STIM2: variants seen among roughly 807,000 people sequenced by gnomAD.
The protein encoded by STIM2 is stromal interaction molecule 2.
In STIM2, 31 loss-of-function variants were observed where a neutral mutation model predicts 85.8. That is an observed-to-expected ratio of 0.36 (90% CI 0.27 to 0.49). STIM2 has a LOEUF of 0.49. STIM2 is among the 20% of genes least tolerant of loss of function. The pLI is 0.98. For missense variants in STIM2, 841 were observed against 927.6 expected (o/e 0.91, Z 1.21); for synonymous variants, 356 against 331.1 (o/e 1.08, Z -0.82).
intron 1 of STIM2, among the ~76,000 whole-genome samples, chr4:26,875,694 A>C (rs1241546225): frequency 1.3e-5 from 2 of 152,202 alleles, no homozygotes; most frequent in Non-Finnish European, 2.9e-5. Flanking sequence ...CAAGCAAGAC[A>C]TGACATATTT....
At chr4:27,005,341 G>A (rs1728296206) in intron 7 of STIM2, among the ~76,000 whole-genome samples, 1 of 152,142 alleles carries the variant, frequency 6.6e-6, no homozygotes, top group Non-Finnish European at 1.5e-5. Flanking sequence ...CCTTTAATCA[G>A]GGCAAGTGAT....
chr4:27,007,912 C>A, intron 8 of STIM2: 1 of 724,900 alleles, frequency 1.4e-6, no homozygotes. Flanking sequence ...TTCAAAGTGA[C>A]CTTAGTGATT....
intron 3 of STIM2, among the ~76,000 whole-genome samples, chr4:26,989,543 A>C (rs6838936): frequency 0.35 from 53,224 of 152,082 alleles, 9,590 homozygotes; most frequent in East Asian, 0.62. Context: ...CCTTTCCACT[A>C]AGATCTGAAA....
rs76753786 is a variant in STIM2, at chr4:26,935,895, T to C, written c.282+16261T>C. On this transcript the variant is annotated intron_variant, in intron 2 of 11. Coordinates refer to ENST00000467087, the MANE Select transcript of STIM2 (RefSeq NM_020860.4). ...ATCTCAGGCACAATATTTATAAATA[T>C]AAATACTACTGTGATGCTCTTGCAA... is the stretch of plus-strand genomic sequence containing the variant. Among the ~76,000 whole-genome samples, 8 of 152,244 alleles carry C rather than the reference T, an allele frequency of 5.3e-5. No homozygotes were observed. In the East Asian group the frequency reaches 9.6e-4, roughly 18 times the overall value.
chr4:26,869,594 T>A (rs1722536392), intron 1 of STIM2, among the ~76,000 whole-genome samples: 1 of 152,030 alleles, frequency 6.6e-6, no homozygotes, highest in Non-Finnish European at 1.5e-5. Context: ...AGTGACATGA[T>A]CATAGCTCAC....
chr4:26,950,831 G>A (rs915227179), intron 2 of STIM2, among the ~76,000 whole-genome samples: 2 of 152,080 alleles, frequency 1.3e-5, no homozygotes, highest in African/African-American at 4.8e-5. Context: ...GCAGTGCCTT[G>A]GTGGACCCAA....
At chr4:26,887,870 T>C (rs1394913825) in intron 1 of STIM2, among the ~76,000 whole-genome samples, 1 of 152,150 alleles carries the variant, frequency 6.6e-6, no homozygotes, top group Non-Finnish European at 1.5e-5. Flanking sequence ...ACATAGAGAC[T>C]TATTTCAAGG....
chr4:26,960,997 G>A (rs1424349363), intron 3 of STIM2, among the ~76,000 whole-genome samples: 1 of 149,438 alleles, frequency 6.7e-6, no homozygotes, highest in Non-Finnish European at 1.5e-5. Context: ...CTGGGAGTGC[G>A]CTACTGCACT....
At chr4:26,959,774 C>G (rs1726381575) in intron 3 of STIM2, among the ~76,000 whole-genome samples, 1 of 151,154 alleles carries the variant, frequency 6.6e-6, no homozygotes, top group South Asian at 2.1e-4. Context: ...CTCTTTTTCC[C>G]TAGGCTTTCA....
chr4:26,888,081 T>G (rs548229144), intron 1 of STIM2, among the ~76,000 whole-genome samples: 1 of 152,370 alleles, frequency 6.6e-6, no homozygotes, highest in South Asian at 2.1e-4. Context: ...GTCAACTGAT[T>G]GTAGATGTTA....
chr4:26,999,755 A>G (rs1256147745), intron 5 of STIM2, among the ~76,000 whole-genome samples: 2 of 152,234 alleles, frequency 1.3e-5, no homozygotes, highest in African/African-American at 2.4e-5. Flanking sequence ...CTAAACACCA[A>G]GAAAATGGAT....
chr4:26,904,345 C>T (rs2109054547), intron 1 of STIM2, among the ~76,000 whole-genome samples: 1 of 152,118 alleles, frequency 6.6e-6, no homozygotes, highest in East Asian at 1.9e-4. Flanking sequence ...TGTATATACT[C>T]ATGAAGCCAT....
At chr4:27,015,572 A>G (rs577095725) in intron 10 of STIM2, among the ~76,000 whole-genome samples, 2 of 152,118 alleles carry the variant, frequency 1.3e-5, no homozygotes, top group South Asian at 2.1e-4. Context: ...TAATAATGTA[A>G]CTAGATATAA....
chr4:26,962,299 C>G (rs560884836), intron 3 of STIM2, among the ~76,000 whole-genome samples: 1 of 152,182 alleles, frequency 6.6e-6, no homozygotes. Flanking sequence ...AAGGTTGATT[C>G]TCTCATTCAG....
intron 7 of STIM2, 125 bp downstream of exon 7, chr4:27,003,229 T>A: frequency 1.1e-6 from 1 of 882,396 alleles, no homozygotes; most frequent in Non-Finnish European, 1.6e-6. Context: ...GATAAAAGAC[T>A]CATTTGTTTA....
chr4:26,930,076 C>A (rs1725148445), intron 2 of STIM2, among the ~76,000 whole-genome samples: 1 of 152,130 alleles, frequency 6.6e-6, no homozygotes, highest in African/African-American at 2.4e-5. Flanking sequence ...CTGTCTAGGT[C>A]ATCATCTTCT....
intron 2 of STIM2, among the ~76,000 whole-genome samples, chr4:26,954,157 C>T (rs574931665): frequency 5.4e-4 from 82 of 152,190 alleles, no homozygotes; most frequent in African/African-American, 1.9e-3. Context: ...AATAACAGCA[C>T]AAATACAACA....
intron 1 of STIM2, among the ~76,000 whole-genome samples, chr4:26,917,320 C>A (rs1477084257): frequency 6.6e-6 from 1 of 152,230 alleles, no homozygotes; most frequent in Admixed American, 6.5e-5. Context: ...TTGTTAGGTT[C>A]ATAGTCCCCA....
At chr4:26,879,248 A>G (rs757079983) in intron 1 of STIM2, among the ~76,000 whole-genome samples, 2 of 152,124 alleles carry the variant, frequency 1.3e-5, no homozygotes, top group Admixed American at 6.5e-5. Flanking sequence ...CCATTTTTGT[A>G]TAGTTTGTAC....
Sources: gnomAD v4.1 joint callset for allele counts (sites outside exome capture counted in the v4.1 genomes callset) on GRCh38, gnomAD v4.1.1 for gene constraint, MANE v1.5 for transcripts, NCBI Gene and HGNC (gene_info 2026-07-23, HGNC 2026-07-21) for gene names.